BABAM2: variants seen among roughly 807,000 people sequenced by gnomAD.
The protein encoded by BABAM2 is BRISC and BRCA1-A complex member 2.
A neutral mutation model predicts 54.7 loss-of-function variants in BABAM2; 31 were observed. The observed-to-expected ratio is 0.57, with a 90% CI of 0.43 to 0.77. BABAM2 has a LOEUF of 0.77. BABAM2 is among the 30% of genes least tolerant of loss of function. The probability of loss-of-function intolerance (pLI) is 0.00; values close to 1 mark genes in which losing one functional copy is unlikely to be tolerated. For missense variants in BABAM2, 364 were observed against 455.8 expected (o/e 0.80, Z 1.83); for synonymous variants, 167 against 162.9 (o/e 1.03, Z -0.19).
chr2:28,275,465 T>G (rs1685799508), intron 10 of BABAM2, among the ~76,000 whole-genome samples: 2 of 151,988 alleles, frequency 1.3e-5, no homozygotes, highest in South Asian at 2.1e-4. Flanking sequence ...AGGCCTGGGG[T>G]GGGGCTGCTG....
chr2:28,239,567 TCTC>T (rs1472228767), intron 8 of BABAM2, among the ~76,000 whole-genome samples: 3 of 152,242 alleles, frequency 2.0e-5, no homozygotes, highest in East Asian at 1.9e-4. Flanking sequence ...CAAAATAAAA[TCTC>T]CTATTGTAAT....
At chr2:28,266,298 T>C (rs951851693) in intron 10 of BABAM2, among the ~76,000 whole-genome samples, 1 of 152,192 alleles carries the variant, frequency 6.6e-6, no homozygotes, top group African/African-American at 2.4e-5. Context: ...CCTTTCTTCT[T>C]TCTGACTTGA....
At chr2:28,323,154 C>G (rs1690170413) in intron 11 of BABAM2, among the ~76,000 whole-genome samples, 1 of 152,208 alleles carries the variant, frequency 6.6e-6, no homozygotes, top group Non-Finnish European at 1.5e-5. Context: ...TGCCCAAATG[C>G]AGTCCCTTAC....
chr2:28,258,574 A>T (rs981149570), intron 10 of BABAM2, among the ~76,000 whole-genome samples: 1 of 146,310 alleles, frequency 6.8e-6, no homozygotes, highest in African/African-American at 2.5e-5. Flanking sequence ...GGGTAAGTTA[A>T]TTTGTGAAGC....
chr2:28,262,459 A>G (rs2148136574), intron 10 of BABAM2, among the ~76,000 whole-genome samples: 1 of 152,202 alleles, frequency 6.6e-6, no homozygotes, highest in East Asian at 1.9e-4. Flanking sequence ...TAGAGGAGTC[A>G]TAGTAGGGAT....
At chr2:28,280,120 T>C (rs1686230160) in intron 10 of BABAM2, among the ~76,000 whole-genome samples, 1 of 152,004 alleles carries the variant, frequency 6.6e-6, no homozygotes, top group South Asian at 2.1e-4. Flanking sequence ...ATGCAATGGT[T>C]TGAACACAGC....
intron 4 of BABAM2, among the ~76,000 whole-genome samples, chr2:28,019,705 T>G (rs1329543562): frequency 6.6e-6 from 1 of 152,212 alleles, no homozygotes; most frequent in African/African-American, 2.4e-5. Context: ...TTCATTCTTC[T>G]ACAGGTGGCT....
intron 6 of BABAM2, among the ~76,000 whole-genome samples, chr2:28,123,565 T>C (rs1225675095): frequency 2.0e-5 from 3 of 152,208 alleles, no homozygotes; most frequent in African/African-American, 4.8e-5. Flanking sequence ...TAATGTTAGC[T>C]TCTCAGAACC....
At position 28,258,109 on chromosome 2, in the gene BABAM2, G is replaced by A. The variant is rs1310680368; in HGVS notation, c.934+13247G>A. ...GGAGAAACGCTTGAACCCAGGAGGT[G>A]GAGGTTGCTGTGAGCTGAGATCGCA... On this transcript the variant is annotated intron_variant, in intron 10 of 11. Transcript: ENST00000379624. Among the ~76,000 whole-genome samples the A allele has an allele frequency of 5.3e-5, 8 of 152,070 alleles. No individual in the cohort carries two copies. In the East Asian group the frequency reaches 1.5e-3, roughly 29 times the overall value.
At chr2:27,940,835 G>C (rs1293221735) in intron 3 of BABAM2, among the ~76,000 whole-genome samples, 6 of 152,178 alleles carry the variant, frequency 3.9e-5, no homozygotes, top group Non-Finnish European at 5.9e-5. Context: ...TGGAAGGCTG[G>C]TAGACATAGT....
intron 7 of BABAM2, among the ~76,000 whole-genome samples, chr2:28,159,882 GAAAA>G (rs36074681): frequency 7.2e-6 from 1 of 138,130 alleles, no homozygotes; most frequent in South Asian, 2.3e-4. Flanking sequence ...TCCCCGCCGG[GAAAA>G]AAAAAAAAAA....
At chr2:28,299,757 C>T (rs1006040146) in intron 11 of BABAM2, among the ~76,000 whole-genome samples, 2 of 152,122 alleles carry the variant, frequency 1.3e-5, no homozygotes, top group African/African-American at 4.8e-5. Flanking sequence ...AAAACCTGGA[C>T]CTCCAGATCT....
chr2:28,141,917 T>G (rs1412791197), intron 7 of BABAM2, among the ~76,000 whole-genome samples: 2 of 152,216 alleles, frequency 1.3e-5, no homozygotes, highest in African/African-American at 4.8e-5. Context: ...AGAAGGTATG[T>G]TATGTCCACA....
At chr2:28,306,702 T>G (rs535181883) in intron 11 of BABAM2, among the ~76,000 whole-genome samples, 2 of 151,982 alleles carry the variant, frequency 1.3e-5, no homozygotes, top group African/African-American at 4.8e-5. Context: ...TTTTTTATTT[T>G]AATTTTTTTT....
intron 11 of BABAM2, among the ~76,000 whole-genome samples, chr2:28,317,808 G>A (rs940159550): frequency 1.3e-5 from 2 of 152,126 alleles, no homozygotes; most frequent in South Asian, 2.1e-4. Flanking sequence ...TCCAGTTCCT[G>A]TTTCTCCCCT....
intron 4 of BABAM2, among the ~76,000 whole-genome samples, chr2:28,012,748 G>T (rs1674485703): frequency 6.6e-6 from 1 of 152,080 alleles, no homozygotes; most frequent in African/African-American, 2.4e-5. Flanking sequence ...AGAGAAAAAT[G>T]GCTAATTAAG....
chr2:27,896,858 CA>C (rs1032396604), intron 2 of BABAM2: 56 of 208,860 alleles, frequency 2.7e-4, no homozygotes, highest in African/African-American at 1.3e-3. Context: ...TCCCAGGTGA[CA>C]GGGAGCTCGT....
chr2:27,942,305 A>C (rs1216409511), intron 3 of BABAM2, among the ~76,000 whole-genome samples: 1 of 152,176 alleles, frequency 6.6e-6, no homozygotes, highest in African/African-American at 2.4e-5. Flanking sequence ...GATTTATCTC[A>C]TCTATAAGAA....
intron 7 of BABAM2, among the ~76,000 whole-genome samples, chr2:28,138,586 G>T (rs1298718463): frequency 1.3e-5 from 2 of 152,122 alleles, no homozygotes; most frequent in Admixed American, 6.5e-5. Context: ...TCTCATGCTA[G>T]AATAGTCATT....
Sources: allele counts gnomAD v4.1 joint callset (sites outside exome capture counted in the v4.1 genomes callset), GRCh38; gene constraint gnomAD v4.1.1; transcripts MANE v1.5; gene names NCBI Gene and HGNC (gene_info 2026-07-23, HGNC 2026-07-21).